Variants in SLC22A23 observed in about 807,000 individuals in gnomAD.
The protein encoded by SLC22A23 is solute carrier family 22 member 23.
A neutral mutation model predicts 61.0 loss-of-function variants in SLC22A23; 26 were observed. The ratio of observed to expected loss-of-function variants is 0.43; its 90% confidence interval spans 0.31 to 0.59. The LOEUF is 0.59. Ranked by LOEUF, SLC22A23 falls within the 20% of genes least tolerant of loss-of-function variation. The pLI, the probability that SLC22A23 is intolerant of heterozygous loss-of-function variation, is 0.11. For synonymous variants in SLC22A23, 430 were observed against 413.9 expected, an observed-to-expected ratio of 1.04 and a Z score of -0.47; for missense variants, 796 against 934.7, an observed-to-expected ratio of 0.85 and a Z score of 1.94.
At chr6:3,319,563 C>T (rs982798500) in intron 4 of SLC22A23, among the ~76,000 whole-genome samples, 2 of 152,172 alleles carry the variant, frequency 1.3e-5, no homozygotes, top group African/African-American at 4.8e-5. Context: ...AATACCTGGA[C>T]CAGCAACAGC....
intron 3 of SLC22A23, among the ~76,000 whole-genome samples, chr6:3,355,445 A>G (rs1653775592): frequency 6.6e-6 from 1 of 152,166 alleles, no homozygotes; most frequent in South Asian, 2.1e-4. Context: ...GAGAAAAAAA[A>G]TCTCCATGAT....
At position 3,324,468 on chromosome 6, in the gene SLC22A23, C is replaced by T. The variant is rs182834235; in HGVS notation, c.914-466G>A. 6.6e-6 allele frequency among the ~76,000 whole-genome samples: 1 copy of T among 152,268 alleles called. No homozygotes were observed. Among genetic ancestry groups the T allele is most frequent in the Non-Finnish European group, 1.5e-5 (1 of 68,022 alleles). On this transcript the variant is annotated intron_variant, in intron 3 of 9. Transcript: ENST00000406686. The surrounding 1 kb of genome is among the most constrained non-coding windows in gnomAD (Gnocchi z 4.3). ...ACCAGGCATGCCCATATACTCACTC[C>T]TACCCATATGCACCACCCACCCCTT...
At chr6:3,287,486 AG>A (rs1760134525) in intron 6 of SLC22A23, among the ~76,000 whole-genome samples, 1 of 152,046 alleles carries the variant, frequency 6.6e-6, no homozygotes, top group African/African-American at 2.4e-5. Context: ...TCACAGGGGC[AG>A]GGGGGCAGAG....
At chr6:3,433,943 T>C (rs1457776459) in intron 1 of SLC22A23, among the ~76,000 whole-genome samples, 1 of 152,208 alleles carries the variant, frequency 6.6e-6, no homozygotes, top group Non-Finnish European at 1.5e-5. Context: ...GATGGGCATA[T>C]ATACAAGTCA....
intron 1 of SLC22A23, among the ~76,000 whole-genome samples, chr6:3,437,646 G>A (rs1771307993): frequency 6.6e-6 from 1 of 151,710 alleles, no homozygotes; most frequent in South Asian, 2.1e-4. Context: ...CTGAGATCGT[G>A]CCACTGCACT....
At chr6:3,294,279 T>C (rs1760880752) in intron 5 of SLC22A23, among the ~76,000 whole-genome samples, 1 of 149,362 alleles carries the variant, frequency 6.7e-6, no homozygotes, top group Non-Finnish European at 1.5e-5. Context: ...CATTTGAGCA[T>C]TCGACATTCT....
At chr6:3,310,369 C>CGG (rs1762300469) in intron 4 of SLC22A23, among the ~76,000 whole-genome samples, 1 of 67,322 alleles carries the variant, frequency 1.5e-5, no homozygotes, top group Non-Finnish European at 3.3e-5. Flanking sequence ...GTCTCCCACT[C>CGG]GAGCACCCTG....
At chr6:3,283,242 G>C (rs1759643741) in intron 9 of SLC22A23, among the ~76,000 whole-genome samples, 1 of 152,166 alleles carries the variant, frequency 6.6e-6, no homozygotes. Context: ...GACCAGCCTG[G>C]CCAACCAGGT....
At chr6:3,444,940 A>C in intron 1 of SLC22A23, 1 of 984,896 alleles carries the variant, frequency 1.0e-6, no homozygotes, top group African/African-American at 1.8e-5. Flanking sequence ...TTCTCAGACG[A>C]CTCATCCCGG....
In SLC22A23 at chr6:3,327,165, G is replaced by T. The variant is rs889942272; in HGVS notation, c.914-3163C>A. On this transcript the variant is annotated intron_variant, in intron 3 of 9. Transcript: ENST00000406686. The surrounding 1 kb of genome is among the most constrained non-coding windows in gnomAD (Gnocchi z 4.1). ...CAGCAGCTCCCACACCTTGAAGATGGTTCCAGTCGCCTGGCCAGGGGCCAC... is the reference window on the plus strand; with the variant it reads ...CAGCAGCTCCCACACCTTGAAGATGTTTCCAGTCGCCTGGCCAGGGGCCAC... Among the ~76,000 whole-genome samples the T allele has an allele frequency of 3.9e-5, 6 of 152,232 alleles. No homozygotes were observed. Among genetic ancestry groups the T allele is most frequent in the South Asian group, 2.1e-4 (1 of 4,834 alleles).
chr6:3,454,870 T>C lies in SLC22A23; in HGVS notation c.654+1036A>G, dbSNP rs1390554918. ...AGGAGGTTACATGCACATTGACTAT[T>C]TAAAACTGTCCAATTTCATACATTT... On this transcript the variant is annotated intron_variant, in intron 1 of 9. Transcript: ENST00000406686. This position sits in a 1 kb window ranked among gnomAD's most constrained non-coding sequence, Gnocchi z 4.3. 6.6e-6 allele frequency among the ~76,000 whole-genome samples: 1 copy of C among 152,218 alleles called. No homozygotes were observed. Among genetic ancestry groups the C allele is most frequent in the Non-Finnish European group, 1.5e-5 (1 of 68,038 alleles).
chr6:3,436,414 G>A (rs781300603), intron 1 of SLC22A23, among the ~76,000 whole-genome samples: 2 of 152,204 alleles, frequency 1.3e-5, no homozygotes, highest in Non-Finnish European at 2.9e-5. Context: ...GGGATTACAG[G>A]CGTAAGCCAC....
chr6:3,446,857 A>C (rs943938270), intron 1 of SLC22A23, among the ~76,000 whole-genome samples: 1 of 152,000 alleles, frequency 6.6e-6, no homozygotes, highest in Non-Finnish European at 1.5e-5. Context: ...CTCCATTCCC[A>C]AGGCCTCACC....
intron 3 of SLC22A23, among the ~76,000 whole-genome samples, chr6:3,383,353 G>A (rs1415662523): frequency 6.6e-6 from 1 of 152,226 alleles, no homozygotes; most frequent in Non-Finnish European, 1.5e-5. Flanking sequence ...CTCTGAGGGT[G>A]GGGCTGGGGA....
chr6:3,413,571 T>C (rs753542933), intron 2 of SLC22A23, among the ~76,000 whole-genome samples: 3 of 152,252 alleles, frequency 2.0e-5, no homozygotes, highest in Admixed American at 6.5e-5. Flanking sequence ...GCAGATTCTA[T>C]ACCAATACCC....
chr6:3,433,971 C>A (rs1771036092), intron 1 of SLC22A23, among the ~76,000 whole-genome samples: 1 of 152,192 alleles, frequency 6.6e-6, no homozygotes, highest in African/African-American at 2.4e-5. Flanking sequence ...CTAAGCTATA[C>A]ACTTAACATC....
At chr6:3,418,425 A>G (rs898762948) in intron 1 of SLC22A23, among the ~76,000 whole-genome samples, 4 of 152,262 alleles carry the variant, frequency 2.6e-5, no homozygotes, top group Non-Finnish European at 1.5e-5. Context: ...GAGTTCAGCC[A>G]CCTGAGCAAT....
intron 1 of SLC22A23, among the ~76,000 whole-genome samples, chr6:3,416,363 G>A (rs1769703881): frequency 6.6e-6 from 1 of 152,250 alleles, no homozygotes; most frequent in African/African-American, 2.4e-5. Context: ...ATAAAAGCGA[G>A]CATTAGTAGT....
chr6:3,285,545 G>A (rs1414053930), intron 7 of SLC22A23, among the ~76,000 whole-genome samples: 7 of 152,200 alleles, frequency 4.6e-5, no homozygotes, highest in African/African-American at 1.7e-4. Context: ...CCTGCTCAGG[G>A]CCAAAGGGGC....
Sources: allele counts gnomAD v4.1 joint callset (sites outside exome capture counted in the v4.1 genomes callset), GRCh38; gene constraint gnomAD v4.1.1; non-coding constraint Gnocchi (gnomAD v3.1); transcripts MANE v1.5; gene names NCBI Gene and HGNC (gene_info 2026-07-23, HGNC 2026-07-21).